Variants in SMUG1 observed in about 807,000 individuals in gnomAD.
SMUG1 encodes single-strand-selective monofunctional uracil-DNA glycosylase 1, also known as single-strand selective monofunctional uracil DNA glycosylase.
Under a neutral mutation model 23.9 loss-of-function variants are expected in SMUG1, and 13 were observed. The ratio of observed to expected loss-of-function variants is 0.54; its 90% CI spans 0.35 to 0.86. SMUG1 has a LOEUF of 0.86. SMUG1 is among the 40% of genes least tolerant of loss of function. SMUG1 has a pLI of 0.01. For missense variants in SMUG1, 313 were observed against 339.5 expected, an observed-to-expected ratio of 0.92 and a Z score of 0.61; for synonymous variants, 133 against 139.8, an observed-to-expected ratio of 0.95 and a Z score of 0.34.
chr12:54,159,692 G>A (rs1366139119), intron 4 of SMUG1, among the ~76,000 whole-genome samples: 1 of 152,210 alleles, frequency 6.6e-6, no homozygotes. Context: ...GATTCCATGA[G>A]GGAGAAAGGA....
downstream of SMUG1, among the ~76,000 whole-genome samples, chr12:54,160,871 G>A (rs1940232901): frequency 6.6e-6 from 1 of 152,246 alleles, no homozygotes; most frequent in South Asian, 2.1e-4. Context: ...CGTGGCTGGA[G>A]GCTGCCTTGT....
At chr12:54,186,080 A>G (rs1156574607) in intron 2 of SMUG1, among the ~76,000 whole-genome samples, 3 of 152,118 alleles carry the variant, frequency 2.0e-5, no homozygotes, top group Non-Finnish European at 2.9e-5. Flanking sequence ...CCTTGCACAT[A>G]CCATTTCTAC....
chr12:54,166,992 G>A (rs1565800121), intron 3 of SMUG1, among the ~76,000 whole-genome samples: 2 of 152,218 alleles, frequency 1.3e-5, no homozygotes, highest in Non-Finnish European at 2.9e-5. Context: ...AAGCGCTGGA[G>A]ATATCTAAGC....
chr12:54,171,550 C>G (rs754339184), intron 3 of SMUG1, among the ~76,000 whole-genome samples: 5 of 151,606 alleles, frequency 3.3e-5, no homozygotes, highest in South Asian at 2.1e-4. Flanking sequence ...ATTAGCTGGA[C>G]GTGGCAGCGC....
intron 4 of SMUG1, among the ~76,000 whole-genome samples, chr12:54,159,430 T>A (rs1258619409): frequency 1.3e-5 from 2 of 152,086 alleles, no homozygotes; most frequent in African/African-American, 4.8e-5. Flanking sequence ...GGGGACAACC[T>A]GAGAATGACC....
chr12:54,186,251 A>T (rs1223475473), intron 2 of SMUG1, among the ~76,000 whole-genome samples: 1 of 152,146 alleles, frequency 6.6e-6, no homozygotes, highest in Non-Finnish European at 1.5e-5. Context: ...CCCTCCTCAG[A>T]ACACTGCAGT....
intron 2 of SMUG1, chr12:54,172,312 C>A: frequency 3.1e-6 from 1 of 318,232 alleles, no homozygotes; most frequent in Non-Finnish European, 6.6e-6. Flanking sequence ...GTTCTTCCAA[C>A]ACACCAGACA....
In SMUG1 at chr12:54,182,635, G is replaced by C; in HGVS notation, c.286-12C>G. 2 of 1,596,412 alleles carry C rather than the reference G, an allele frequency of 1.3e-6. No individual in the cohort carries two copies. Among genetic ancestry groups the C allele is most frequent in the Non-Finnish European group, 1.7e-6 (2 of 1,171,068 alleles). On this transcript the variant is annotated splice_polypyrimidine_tract_variant and intron_variant, in intron 3 of 3. Transcript: ENST00000682136. ...TCCCCAAAGGGCACCTGTGAGGAAG[G>C]AGAGAGACATGAAAGGCTTCAAACT...
Position 54,181,639 on chromosome 12 carries a change from T to A in SMUG1, c.*457A>T. The A allele has an allele frequency of 1.3e-6, 2 of 1,589,248 alleles. No homozygotes were observed. The highest frequency in any genetic ancestry group is 1.7e-6 in the Non-Finnish European group (2 of 1,175,370). On this transcript the variant is annotated 3_prime_UTR_variant, in exon 4 of 4. Transcript: ENST00000682136. ...TCTTAATTTCATGTCCCATGCTTTGTCTTGGTCCCTGTGAGGAAAGGGGTC... is the reference window on the plus strand; with the variant it reads ...TCTTAATTTCATGTCCCATGCTTTGACTTGGTCCCTGTGAGGAAAGGGGTC...
chr12:54,161,865 C>T (rs372944517), downstream of SMUG1, among the ~76,000 whole-genome samples: 316 of 152,230 alleles, frequency 2.1e-3, 7 homozygotes, highest in South Asian at 0.055. This position sits in a 1 kb window ranked among gnomAD's most constrained non-coding sequence, Gnocchi z 4.2. Context: ...CAGGCGGAGG[C>T]GGCAGTGGTA....
chr12:54,170,820 G>A (rs1265430343), intron 3 of SMUG1, among the ~76,000 whole-genome samples: 1 of 152,026 alleles, frequency 6.6e-6, no homozygotes, highest in Non-Finnish European at 1.5e-5. Context: ...TGGTCTCGAA[G>A]TCCTGGGCTC....
At chr12:54,160,126 G>C (rs897387791), downstream of SMUG1, among the ~76,000 whole-genome samples, 18 of 152,178 alleles carry the variant, frequency 1.2e-4, no homozygotes, top group African/African-American at 3.4e-4. Flanking sequence ...AATGGGCAGG[G>C]ACCCCCCCAC....
At chr12:54,168,706 T>C (rs1940545607) in intron 3 of SMUG1, 2 of 152,236 alleles carry the variant, frequency 1.3e-5, no homozygotes, top group South Asian at 2.1e-4. Flanking sequence ...CTGGCCTGTT[T>C]CAGCCCACCT....
chr12:54,176,835 A>G (rs990533141), downstream of SMUG1, among the ~76,000 whole-genome samples: 12 of 151,902 alleles, frequency 7.9e-5, no homozygotes, highest in African/African-American at 2.9e-4. Flanking sequence ...AAAAAAAAAA[A>G]AAAAAGAGGT....
chr12:54,158,459 C>T (rs1940115546), intron 4 of SMUG1, among the ~76,000 whole-genome samples: 1 of 152,114 alleles, frequency 6.6e-6, no homozygotes, highest in Admixed American at 6.5e-5. Flanking sequence ...GGTCCCATTC[C>T]CAAACCACCT....
At position 54,182,177 on chromosome 12, in the gene SMUG1, G is replaced by A. The variant is rs1224919332; in HGVS notation, c.732C>T (p.Asn244=). 2.5e-6 allele frequency: 4 copies of A among 1,609,224 alleles called. No homozygotes were observed. Among genetic ancestry groups the A allele is most frequent in the Non-Finnish European group, 3.4e-6 (4 of 1,176,992 alleles). ...VEGLLHPSPR[N]PQANKGWEAV... is the part of the protein sequence containing the mutation. ...CCTCCCAGCCCTTGTTGGCCTGTGG[G>A]TTACGGGGAGAGGGATGCAGGAGCC... Residue 244 remains asparagine, a synonymous_variant, in exon 4 of 4, where the codon AAC becomes AAT. Coordinates refer to ENST00000682136, the MANE Select transcript of SMUG1 (RefSeq NM_001243787.2).
At chr12:54,183,560 C>T (rs546213985) in intron 3 of SMUG1, 96 bp downstream of exon 3, 2 of 1,304,392 alleles carry the variant, frequency 1.5e-6, no homozygotes, top group Non-Finnish European at 2.2e-6. Flanking sequence ...CTACACATGT[C>T]TACAGCCATG....
intron 3 of SMUG1, among the ~76,000 whole-genome samples, chr12:54,170,777 G>A (rs894011639): frequency 2.6e-5 from 4 of 151,946 alleles, no homozygotes; most frequent in Non-Finnish European, 5.9e-5. Flanking sequence ...TTTATTTTTT[G>A]TAGAGACAGA....
intron 2 of SMUG1, among the ~76,000 whole-genome samples, chr12:54,173,465 G>A (rs912871478): frequency 6.6e-6 from 1 of 152,150 alleles, no homozygotes; most frequent in Non-Finnish European, 1.5e-5. Context: ...GCAGCAGAGC[G>A]GGCGCGGCGC....
Sources: gnomAD v4.1 joint callset for allele counts (sites outside exome capture counted in the v4.1 genomes callset) on GRCh38, gnomAD v4.1.1 for gene constraint, Gnocchi (gnomAD v3.1) non-coding constraint, MANE v1.5 for transcripts, NCBI Gene and HGNC (gene_info 2026-07-23, HGNC 2026-07-21) for gene names.